Variants in CADM2 observed in about 807,000 individuals in gnomAD.
The protein encoded by CADM2 is cell adhesion molecule 2, also known as immunoglobulin superfamily member 4D.
Under a neutral mutation model 49.8 loss-of-function variants are expected in CADM2, and 12 were observed. The observed-to-expected ratio is 0.24, with a 90% confidence interval of 0.15 to 0.39. The LOEUF (loss-of-function observed/expected upper bound fraction) is 0.39. Ranked by LOEUF, CADM2 falls within the 10% of genes least tolerant of loss-of-function variation. CADM2 has a pLI of 1.00. For synonymous variants in CADM2, 214 were observed against 175.4 expected (o/e 1.22, Z -1.74); for missense variants, 378 against 492.3 (o/e 0.77, Z 2.20).
intron 1 of CADM2, among the ~76,000 whole-genome samples, chr3:85,692,774 T>C (rs1424997804): frequency 6.6e-6 from 1 of 152,190 alleles, no homozygotes; most frequent in Non-Finnish European, 1.5e-5. Flanking sequence ...TTTTATCACA[T>C]AAGAAATATT....
intron 1 of CADM2, among the ~76,000 whole-genome samples, chr3:85,643,157 T>C (rs2064775582): frequency 6.6e-6 from 1 of 152,150 alleles, no homozygotes; most frequent in Non-Finnish European, 1.5e-5. Context: ...AAAAATGGAA[T>C]GGTGATTTTG....
chr3:86,012,556 C>A (rs1315655458), intron 8 of CADM2: 26 of 1,499,958 alleles, frequency 1.7e-5, no homozygotes, highest in Non-Finnish European at 2.2e-5. Context: ...AGCGGGCGGG[C>A]GAAGATGCCG....
intron 1 of CADM2, among the ~76,000 whole-genome samples, chr3:85,725,193 A>C (rs1215301704): frequency 6.6e-6 from 1 of 152,060 alleles, no homozygotes; most frequent in African/African-American, 2.4e-5. Context: ...TTTTAAAACT[A>C]GGATGTTCAT....
At chr3:85,541,700 TTA>T (rs2061541176) in intron 1 of CADM2, among the ~76,000 whole-genome samples, 1 of 141,666 alleles carries the variant, frequency 7.1e-6, no homozygotes, top group South Asian at 2.2e-4. Context: ...GGGAATTAAA[TTA>T]TATATATATT....
chr3:85,237,000 A>G (rs1318770957), intron 1 of CADM2, among the ~76,000 whole-genome samples: 2 of 152,108 alleles, frequency 1.3e-5, no homozygotes, highest in Admixed American at 6.6e-5. Flanking sequence ...TGTTGAATGA[A>G]TAACAATAAT....
rs193082245 is a variant in CADM2, at chr3:85,245,631, T to C, written c.61+285963T>C. Among the ~76,000 whole-genome samples, 275 of 152,278 alleles carry C rather than the reference T, an allele frequency of 1.8e-3. 1 individual carries two copies. The highest frequency in any genetic ancestry group is 6.3e-3 in the African/African-American group (263 of 41,560). On this transcript the variant is annotated intron_variant, in intron 1 of 9. Transcript: ENST00000383699. ...CCTCCACAGGTGGTCTCCTGTGGAATTGACCATTTGATCAACACTTAAGGA... is the reference window on the plus strand; with the variant it reads ...CCTCCACAGGTGGTCTCCTGTGGAACTGACCATTTGATCAACACTTAAGGA...
intron 1 of CADM2, among the ~76,000 whole-genome samples, chr3:85,312,535 G>A (rs1053425044): frequency 6.6e-6 from 1 of 151,926 alleles, no homozygotes; most frequent in African/African-American, 2.4e-5. Context: ...ATTATCCATA[G>A]GAATGCATTT....
intron 1 of CADM2, among the ~76,000 whole-genome samples, chr3:84,991,311 C>A (rs1177310822): frequency 1.3e-5 from 2 of 151,972 alleles, no homozygotes; most frequent in African/African-American, 4.8e-5. Flanking sequence ...AGGTTCAAAG[C>A]ACCTCCTAGA....
Position 85,937,464 on chromosome 3 carries a change from A to G in CADM2, c.791+1607A>G, listed in dbSNP as rs922130169. ...AAACTAAGGCTCAAAACTTTTCACT[A>G]AATTTTCCTATTTATCCAGATTTAA... On this transcript the variant is annotated intron_variant, in intron 7 of 9. Transcript: ENST00000383699. 2.2e-4 allele frequency among the ~76,000 whole-genome samples: 34 copies of G among 152,060 alleles called. 1 individual carries two copies. Among genetic ancestry groups the G allele is most frequent in the African/African-American group, 7.7e-4 (32 of 41,570 alleles).
At chr3:85,319,742 G>C (rs577049588) in intron 1 of CADM2, among the ~76,000 whole-genome samples, 122 of 152,218 alleles carry the variant, frequency 8.0e-4, no homozygotes, top group Admixed American at 3.1e-3. Context: ...TGGACATAAA[G>C]AGGGGAACAA....
chr3:85,103,187 C>A (rs1044531524), intron 1 of CADM2, among the ~76,000 whole-genome samples: 3 of 152,118 alleles, frequency 2.0e-5, no homozygotes, highest in South Asian at 2.1e-4. Flanking sequence ...TATGTTTTAA[C>A]GTAGGGAGAA....
intron 1 of CADM2, among the ~76,000 whole-genome samples, chr3:85,558,643 TA>T (rs1450594081): frequency 6.6e-6 from 1 of 152,084 alleles, no homozygotes; most frequent in Non-Finnish European, 1.5e-5. Flanking sequence ...GACTATTTGT[TA>T]ACAATAACCT....
chr3:85,143,246 G>A (rs2039631505), intron 1 of CADM2, among the ~76,000 whole-genome samples: 1 of 152,130 alleles, frequency 6.6e-6, no homozygotes, highest in Admixed American at 6.5e-5. Flanking sequence ...ACTTTCGGGG[G>A]CCAAGACAGA....
intron 8 of CADM2, among the ~76,000 whole-genome samples, chr3:86,009,887 T>A (rs75739793): frequency 0.017 from 2,542 of 151,992 alleles, 39 homozygotes; most frequent in South Asian, 0.028. Context: ...TAATAACAAA[T>A]GCATTATGTC....
intron 1 of CADM2, among the ~76,000 whole-genome samples, chr3:85,318,943 G>C (rs1455737937): frequency 6.6e-6 from 1 of 151,990 alleles, no homozygotes; most frequent in Admixed American, 6.6e-5. Context: ...GACAACGTTC[G>C]GGCTCTTAAC....
chr3:85,360,555 G>C (rs1450092294), intron 1 of CADM2, among the ~76,000 whole-genome samples: 1 of 152,126 alleles, frequency 6.6e-6, no homozygotes, highest in African/African-American at 2.4e-5. Flanking sequence ...GAGTTAATCA[G>C]TTTCCTTCTA....
chr3:85,376,447 T>G (rs1406943668), intron 1 of CADM2, among the ~76,000 whole-genome samples: 1 of 151,954 alleles, frequency 6.6e-6, no homozygotes, highest in Non-Finnish European at 1.5e-5. Flanking sequence ...AAAATTAGAG[T>G]ACACCATGTT....
intron 6 of CADM2, among the ~76,000 whole-genome samples, chr3:85,932,732 TTG>T (rs935684652): frequency 6.6e-5 from 10 of 152,120 alleles, no homozygotes; most frequent in East Asian, 1.9e-4. Context: ...AATTCTGTTT[TTG>T]TGTGTGTGTG....
chr3:85,580,342 G>A (rs75630475), intron 1 of CADM2, among the ~76,000 whole-genome samples: 1 of 151,942 alleles, frequency 6.6e-6, no homozygotes, highest in Non-Finnish European at 1.5e-5. Flanking sequence ...AAAAAAATAA[G>A]AAGAAGAAAT....
Sources: allele counts gnomAD v4.1 joint callset (sites outside exome capture counted in the v4.1 genomes callset), GRCh38; gene constraint gnomAD v4.1.1; transcripts MANE v1.5; gene names NCBI Gene and HGNC (gene_info 2026-07-23, HGNC 2026-07-21).